Variants in USP9X observed in about 807,000 individuals in gnomAD.
The protein encoded by USP9X is ubiquitin specific peptidase 9 X-linked, also known as ubiquitin carboxyl-terminal hydrolase 9X.
USP9X carries 7 observed loss-of-function variants against 190.3 expected under a neutral mutation model. The ratio of observed to expected loss-of-function variants is 0.04; its 90% CI spans 0.02 to 0.07. The LOEUF (loss-of-function observed/expected upper bound fraction) is 0.07. Ranked by LOEUF, USP9X falls within the 10% of genes least tolerant of loss-of-function variation. The probability of loss-of-function intolerance (pLI) is 1.00; values close to 1 mark genes in which losing one functional copy is unlikely to be tolerated. For missense variants in USP9X, 1,010 were observed against 1,916.9 expected, an observed-to-expected ratio of 0.53 and a Z score of 8.83; for synonymous variants, 645 against 659.5, an observed-to-expected ratio of 0.98 and a Z score of 0.34.
At chrX:41,152,223 G>C (rs954480840) in intron 13 of USP9X, among the ~76,000 whole-genome samples, 3 of 111,828 alleles carry the variant, frequency 2.7e-5, no homozygotes, top group African/African-American at 9.8e-5. Flanking sequence ...CATATATCTC[G>C]TTAACAATAA....
chrX:41,113,975 A>T (rs778715759), intron 1 of USP9X, among the ~76,000 whole-genome samples: 53 of 112,902 alleles, frequency 4.7e-4, no homozygotes, highest in Non-Finnish European at 7.7e-4. Flanking sequence ...GGATTAAGTC[A>T]TAACTGCATA....
chrX:41,151,895 C>T (rs1364980711), intron 13 of USP9X, among the ~76,000 whole-genome samples: 1 of 112,518 alleles, frequency 8.9e-6, no homozygotes, highest in African/African-American at 3.2e-5. Flanking sequence ...GCACTAGAAT[C>T]GCTTGAGCCC....
intron 25 of USP9X, 95 bp downstream of exon 25, chrX:41,188,212 T>G (rs985804211): frequency 8.2e-6 from 7 of 855,631 alleles, no homozygotes; most frequent in East Asian, 6.9e-5. Flanking sequence ...TTTTAAAAAT[T>G]GAATCACTTG....
intron 6 of USP9X, among the ~76,000 whole-genome samples, chrX:41,140,044 TAGAC>T (rs1036709566): frequency 8.0e-5 from 9 of 112,219 alleles, no homozygotes; most frequent in African/African-American, 2.3e-4. Context: ...AGCTCTTTCT[TAGAC>T]AGTTCATCCT....
Position 41,220,720 on chromosome X carries a change from G to A in USP9X, c.6565+1489G>A, listed in dbSNP as rs889075470. ...TGTAATCCCAGCACTTTGGGAGGCC[G>A]AGGCAGGCGGATCACCTGAGGTATG... On this transcript the variant is annotated intron_variant, in intron 38 of 44. Coordinates refer to ENST00000378308, the MANE Select transcript of USP9X (RefSeq NM_001039591.3). Among the ~76,000 whole-genome samples the A allele has an allele frequency of 2.8e-4, 31 of 111,203 alleles. 1 individual carries two copies. The highest frequency in any genetic ancestry group is 1.3e-4 in the Non-Finnish European group (7 of 53,042).
chrX:41,132,935 T>G (rs1284405351), intron 4 of USP9X, among the ~76,000 whole-genome samples: 2 of 111,685 alleles, frequency 1.8e-5, no homozygotes, highest in Non-Finnish European at 3.8e-5. Context: ...CTACTTTAGG[T>G]GCAGTTGAAT....
rs1028504019 is a variant in USP9X, at chrX:41,151,119, ACAG to A, written c.1763+65_1763+67del. The A allele has an allele frequency of 9.2e-6, 10 of 1,088,019 alleles. No individual in the cohort carries two copies. The Admixed American group carries it at 1.8e-4, about 19-fold the overall frequency. 89.7% of individuals were successfully genotyped at this position (1,088,019 alleles called of 1,213,427 possible). ...AATTTATGTACTTTATTGAAAAGAAACAGCATATTGGCTGGCAAATGCAAATTT... is the reference window on the plus strand; with the variant it reads ...AATTTATGTACTTTATTGAAAAGAAACATATTGGCTGGCAAATGCAAATTT... On this transcript the variant is annotated intron_variant, in intron 13 of 44. Transcript: ENST00000378308.
chrX:41,088,665 T>G, intron 1 of USP9X, among the ~76,000 whole-genome samples: 1 of 111,802 alleles, frequency 8.9e-6, no homozygotes, highest in Non-Finnish European at 1.9e-5. Context: ...TGAGATTGAG[T>G]TAGTTGATTT....
chrX:41,234,262 C>T lies in USP9X; in HGVS notation c.*1738C>T, dbSNP rs1374384648. ...GTACTTTTTGTATGTTTTTTATATA[C>T]ATGTATATTTAATGAGCACAAGCTT... On this transcript the variant is annotated 3_prime_UTR_variant, in exon 45 of 45. Coordinates refer to ENST00000378308, the MANE Select transcript of USP9X (RefSeq NM_001039591.3). 1 of 111,307 alleles carries T rather than the reference C, an allele frequency of 9.0e-6. No individual in the cohort carries two copies. Among genetic ancestry groups the T allele is most frequent in the Non-Finnish European group, 1.9e-5 (1 of 53,044 alleles). 9.2% of individuals were successfully genotyped at this position (111,307 alleles called of 1,213,427 possible). A position where few individuals can be genotyped will look rare whatever the true frequency, so the allele number is the denominator to read the frequency against.
At chrX:41,122,692 A>C (rs1321610798) in intron 1 of USP9X, among the ~76,000 whole-genome samples, 1 of 111,999 alleles carries the variant, frequency 8.9e-6, no homozygotes, top group East Asian at 2.8e-4. Flanking sequence ...GGGTTTCTGC[A>C]TTTAGGGCAT....
At chrX:41,214,095 T>G (rs1400872532) in intron 33 of USP9X, among the ~76,000 whole-genome samples, 1 of 112,397 alleles carries the variant, frequency 8.9e-6, no homozygotes, top group Non-Finnish European at 1.9e-5. Flanking sequence ...GTGTGCAAAC[T>G]TTTGCTTTAC....
At chrX:41,111,657 C>CT (rs1270900884) in intron 1 of USP9X, among the ~76,000 whole-genome samples, 1 of 110,797 alleles carries the variant, frequency 9.0e-6, no homozygotes, top group African/African-American at 3.3e-5. Context: ...AAGCAGACTG[C>CT]TTTGTTCAGA....
chrX:41,187,972 A>G lies in USP9X; in HGVS notation c.3685-20A>G, dbSNP rs1223318181. 1 of 1,194,342 alleles carries G rather than the reference A, an allele frequency of 8.4e-7. No individual in the cohort carries two copies. Among genetic ancestry groups the G allele is most frequent in the African/African-American group, 1.8e-5 (1 of 56,173 alleles). On this transcript the variant is annotated intron_variant, in intron 24 of 44. Transcript: ENST00000378308. Reference sequence around the variant, plus strand: ...TCACTCTCATTCTATCAACAGTTCTATTTACTCGTTATCTTGCAGGCTTCA... The same window carrying G: ...TCACTCTCATTCTATCAACAGTTCTGTTTACTCGTTATCTTGCAGGCTTCA...
intron 21 of USP9X, among the ~76,000 whole-genome samples, chrX:41,172,827 T>C (rs192488022): frequency 3.6e-4 from 40 of 112,124 alleles, no homozygotes; most frequent in Non-Finnish European, 6.2e-4. Context: ...TGAAAATATA[T>C]TCCTTCTGGC....
chrX:41,165,456 C>T (rs1353169908), intron 15 of USP9X, among the ~76,000 whole-genome samples: 2 of 112,107 alleles, frequency 1.8e-5, no homozygotes, highest in East Asian at 5.6e-4. Flanking sequence ...AAACTCCTGA[C>T]CTCAGGTGAT....
intron 1 of USP9X, among the ~76,000 whole-genome samples, chrX:41,098,430 G>A (rs1370802120): frequency 2.7e-5 from 3 of 111,007 alleles, no homozygotes; most frequent in South Asian, 7.4e-4. Flanking sequence ...GTGAGCCACC[G>A]TGCCCAGCCT....
intron 1 of USP9X, among the ~76,000 whole-genome samples, chrX:41,103,595 A>T (rs1230663571): frequency 1.8e-5 from 2 of 112,573 alleles, no homozygotes; most frequent in Non-Finnish European, 3.7e-5. Context: ...TAATAGTTTT[A>T]TTTGTATTCC....
chrX:41,107,457 C>G (rs2062079234), intron 1 of USP9X, among the ~76,000 whole-genome samples: 1 of 112,399 alleles, frequency 8.9e-6, no homozygotes, highest in Non-Finnish European at 1.9e-5. Context: ...TTGCTGCATT[C>G]AAGATTGTCT....
intron 38 of USP9X, among the ~76,000 whole-genome samples, chrX:41,220,161 T>C (rs1036774264): frequency 8.9e-6 from 1 of 112,094 alleles, no homozygotes; most frequent in African/African-American, 3.2e-5. Flanking sequence ...TTCTTTTCCC[T>C]TGTCTTTTCC....
Sources: gnomAD v4.1 joint callset for allele counts (sites outside exome capture counted in the v4.1 genomes callset) on GRCh38, gnomAD v4.1.1 for gene constraint, MANE v1.5 for transcripts, NCBI Gene and HGNC (gene_info 2026-07-23, HGNC 2026-07-21) for gene names.